Variants in PDZD2 observed in about 807,000 individuals in gnomAD.
PDZD2 encodes PDZ domain-containing protein 2.
PDZD2 carries 90 observed loss-of-function variants against 220.7 expected under a neutral mutation model. The ratio of observed to expected loss-of-function variants is 0.41; its 90% CI spans 0.34 to 0.49. The LOEUF (loss-of-function observed/expected upper bound fraction) is 0.49, where lower values mean the gene tolerates loss of function less well. PDZD2 is among the 20% of genes least tolerant of loss of function. The pLI is 0.28. For missense variants in PDZD2, 3,174 were observed against 3,608.5 expected (o/e 0.88, Z 3.08); for synonymous variants, 1,375 against 1,450.5 (o/e 0.95, Z 1.18).
In PDZD2 at chr5:32,089,723, TC is replaced by T; in HGVS notation, c.6276del (p.Ile2092MetfsTer99). ...DRLERTNQLKIVEISAEAVSE... is the reference protein window; with the variant it reads ...DRLERTNQLKXVEISAEAVSE... The stretch of plus-strand genomic sequence containing the variant: ...CTCGAAAGAACAAACCAGCTGAAAA[TC>T]GTGGAGATTTCTGCTGAAGCAGTGT... On this transcript the variant is annotated frameshift_variant, in exon 20 of 25. Coordinates refer to ENST00000438447, the MANE Select transcript of PDZD2 (RefSeq NM_178140.4). LOFTEE classifies it high-confidence loss of function. 1 of 1,613,990 alleles carries T rather than the reference TC, an allele frequency of 6.2e-7. No homozygotes were observed. Among genetic ancestry groups the T allele is most frequent in the Non-Finnish European group, 8.5e-7 (1 of 1,180,002 alleles).
intron 2 of PDZD2, chr5:31,935,945 C>A (rs1047143687): frequency 4.8e-6 from 1 of 208,034 alleles, no homozygotes; most frequent in African/African-American, 2.4e-5. Flanking sequence ...ATATGATTTC[C>A]CCCCATACTC....
At chr5:32,001,599 G>A (rs1752112166) in intron 5 of PDZD2, among the ~76,000 whole-genome samples, 1 of 152,188 alleles carries the variant, frequency 6.6e-6, no homozygotes, top group African/African-American at 2.4e-5. Context: ...GCCCCAGGCA[G>A]GCCAGAGCTT....
chr5:31,701,434 C>G lies in PDZD2; in HGVS notation c.-361+61997C>G, dbSNP rs143873075. Among the ~76,000 whole-genome samples, 16 of 152,310 alleles carry G rather than the reference C, an allele frequency of 1.1e-4. No homozygotes were observed. In the East Asian group the frequency reaches 2.3e-3, roughly 22 times the overall value. ...TCTTGAACTCCTGAACTCAATTGAT[C>G]TACCCACCTCAGCCTCCCAAAGTGC... On this transcript the variant is annotated intron_variant, in intron 1 of 24. Coordinates refer to ENST00000438447, the MANE Select transcript of PDZD2 (RefSeq NM_178140.4).
chr5:31,994,794 T>C (rs2111961333), intron 3 of PDZD2, among the ~76,000 whole-genome samples: 1 of 152,316 alleles, frequency 6.6e-6, no homozygotes, highest in East Asian at 1.9e-4. Flanking sequence ...GCCCTCAATA[T>C]GGTGTTTTTA....
intron 2 of PDZD2, among the ~76,000 whole-genome samples, chr5:31,973,198 G>C (rs1749459337): frequency 6.6e-6 from 1 of 152,168 alleles, no homozygotes; most frequent in Admixed American, 6.5e-5. Flanking sequence ...TTACGTGATA[G>C]AAAGGCCATA....
At chr5:31,872,619 A>T (rs6897419) in intron 2 of PDZD2, among the ~76,000 whole-genome samples, 70,814 of 152,038 alleles carry the variant, frequency 0.47, 16,725 homozygotes, top group South Asian at 0.56. Context: ...TCTGCCCTTT[A>T]CATTGTTACG....
At chr5:31,760,488 C>T (rs567277154) in intron 1 of PDZD2, among the ~76,000 whole-genome samples, 13 of 152,082 alleles carry the variant, frequency 8.5e-5, no homozygotes, top group South Asian at 2.1e-4. Flanking sequence ...AAGTGGGATT[C>T]GAGGTAGATT....
At position 31,836,194 on chromosome 5, in the gene PDZD2, T is replaced by C. The variant is rs187842079; in HGVS notation, c.476+36470T>C. Reference sequence around the variant, plus strand: ...TGGTATTTGTGTAAGCTTGTTTCAATGTTTTCTCTATAAACCAATAGTAAT... The same window carrying C: ...TGGTATTTGTGTAAGCTTGTTTCAACGTTTTCTCTATAAACCAATAGTAAT... On this transcript the variant is annotated intron_variant, in intron 2 of 24. Coordinates refer to ENST00000438447, the MANE Select transcript of PDZD2 (RefSeq NM_178140.4). Among the ~76,000 whole-genome samples, 116 of 152,032 alleles carry C rather than the reference T, an allele frequency of 7.6e-4. 1 individual carries two copies. Among genetic ancestry groups the C allele is most frequent in the Non-Finnish European group, 1.4e-3 (97 of 67,984 alleles).
intron 2 of PDZD2, among the ~76,000 whole-genome samples, chr5:31,928,724 G>A (rs4867400): frequency 0.75 from 113,273 of 152,002 alleles, 42,731 homozygotes; most frequent in East Asian, 0.94. Flanking sequence ...GATCCACCTC[G>A]ACTTCCCAAA....
chr5:31,779,534 C>T lies in PDZD2; in HGVS notation c.-360-19355C>T, dbSNP rs554569230. ...GACTACAGGCGCCCGCCACCACGCC[C>T]GGCTAACTTTTTGTATTTTTAGTAG... On this transcript the variant is annotated intron_variant, in intron 1 of 24. Transcript: ENST00000438447. Among the ~76,000 whole-genome samples the T allele has an allele frequency of 1.6e-3, 245 of 152,048 alleles. 2 individuals are homozygous for T. Among genetic ancestry groups the T allele is most frequent in the Admixed American group, 4.1e-3 (63 of 15,264 alleles).
At chr5:32,064,306 G>C (rs911999227) in intron 14 of PDZD2, among the ~76,000 whole-genome samples, 1 of 151,634 alleles carries the variant, frequency 6.6e-6, no homozygotes, top group Non-Finnish European at 1.5e-5. Flanking sequence ...CAGTGGTGCA[G>C]TCTCAGCTCA....
At chr5:31,948,425 C>A (rs181520463) in intron 2 of PDZD2, among the ~76,000 whole-genome samples, 3 of 152,280 alleles carry the variant, frequency 2.0e-5, no homozygotes, top group Admixed American at 2.0e-4. Flanking sequence ...ATTTTAATAT[C>A]TGTAAAGAGT....
intron 1 of PDZD2, among the ~76,000 whole-genome samples, chr5:31,783,157 G>T (rs148773087): frequency 1.2e-3 from 189 of 152,258 alleles, no homozygotes; most frequent in African/African-American, 4.5e-3. Context: ...ATATTTGCTG[G>T]ATGAATGAAT....
Position 32,074,337 on chromosome 5 carries a change from A to G in PDZD2, c.3231A>G (p.Glu1077=), listed in dbSNP as rs775721973. ...GCCCTGGAAGCTGGTGGAAGAAGGAACTGTCAGGATCAAGTAGCGCACCCA... is the reference window on the plus strand; with the variant it reads ...GCCCTGGAAGCTGGTGGAAGAAGGAGCTGTCAGGATCAAGTAGCGCACCCA... ...KGSPGSWWKK[E]LSGSSSAPKL... is the part of the protein sequence containing the mutation. The change falls in exon 18 of 25, where the codon GAA becomes GAG. Residue 1077 remains glutamate (E), a synonymous_variant. Transcript: ENST00000438447. 5.0e-6 allele frequency: 8 copies of G among 1,614,018 alleles called. No individual in the cohort carries two copies. The highest frequency in any genetic ancestry group is 1.1e-5 in the South Asian group (1 of 91,080).
chr5:31,703,460 A>C (rs1465704537), intron 1 of PDZD2, among the ~76,000 whole-genome samples: 1 of 151,786 alleles, frequency 6.6e-6, no homozygotes, highest in Non-Finnish European at 1.5e-5. Context: ...GGAACATCAC[A>C]CACCGGGACC....
At chr5:31,825,261 C>G (rs777105442) in intron 2 of PDZD2, among the ~76,000 whole-genome samples, 4 of 152,196 alleles carry the variant, frequency 2.6e-5, no homozygotes, top group Non-Finnish European at 5.9e-5. Flanking sequence ...GTCAGAGCCA[C>G]ATGCCCGTAC....
intron 2 of PDZD2, among the ~76,000 whole-genome samples, chr5:31,893,804 T>C (rs1741280159): frequency 6.6e-6 from 1 of 152,158 alleles, no homozygotes; most frequent in South Asian, 2.1e-4. Flanking sequence ...TCAGACTAGT[T>C]AGAAAAAATT....
In PDZD2 at chr5:32,074,387, A is replaced by C. The variant is rs777158262; in HGVS notation, c.3281A>C (p.Asp1094Ala). Residue 1094 changes from aspartate (D) to alanine (A), a missense_variant, in exon 18 of 25, where the codon GAC becomes GCC. Transcript: ENST00000438447. Reference protein sequence around the residue: ...APKLEYTVRTDTQSPTNTGSP... With the variant: ...APKLEYTVRTATQSPTNTGSP... The stretch of plus-strand genomic sequence containing the variant: ...AAATTGGAATACACAGTCCGTACAG[A>C]CACCCAGAGTCCGACGAACACTGGG... The C allele has an allele frequency of 8.7e-6, 14 of 1,614,062 alleles. No homozygotes were observed. Among genetic ancestry groups the C allele is most frequent in the Middle Eastern group, 3.3e-4 (2 of 6,084 alleles).
chr5:31,911,831 C>T (rs1360419623), intron 2 of PDZD2, among the ~76,000 whole-genome samples: 1 of 152,200 alleles, frequency 6.6e-6, no homozygotes, highest in Non-Finnish European at 1.5e-5. Context: ...CTGCCATGCT[C>T]CTCAGAAGGC....
Sources: gnomAD v4.1 joint callset for allele counts (sites outside exome capture counted in the v4.1 genomes callset) on GRCh38, gnomAD v4.1.1 for gene constraint, MANE v1.5 for transcripts, NCBI Gene and HGNC (gene_info 2026-07-23, HGNC 2026-07-21) for gene names.